Variants in STARD13 observed in about 807,000 individuals in gnomAD.
STARD13 encodes stAR-related lipid transfer protein 13.
In STARD13, 62 loss-of-function variants were observed where a neutral mutation model predicts 106.4. The ratio of observed to expected loss-of-function variants is 0.58; its 90% CI spans 0.48 to 0.72. STARD13 has a LOEUF of 0.72. Ranked by LOEUF, STARD13 falls within the 30% of genes least tolerant of loss-of-function variation. STARD13 has a pLI of 0.00. For synonymous variants in STARD13, 565 were observed against 553.0 expected, an observed-to-expected ratio of 1.02 and a Z score of -0.31; for missense variants, 1,387 against 1,424.0, an observed-to-expected ratio of 0.97 and a Z score of 0.42.
intron 4 of STARD13, among the ~76,000 whole-genome samples, chr13:33,132,951 G>A (rs1179061550): frequency 1.3e-5 from 2 of 152,116 alleles, no homozygotes; most frequent in African/African-American, 4.8e-5. Flanking sequence ...TGCCATGATA[G>A]GCTGAACGTT....
chr13:33,598,601 C>T, the STARD13 span, among the ~76,000 whole-genome samples: 12 of 152,222 alleles, frequency 7.9e-5, no homozygotes, highest in African/African-American at 2.9e-4. Context: ...CAGTAACTCT[C>T]CTCTGCCATT....
the STARD13 span, among the ~76,000 whole-genome samples, chr13:33,615,770 G>T: frequency 1.3e-5 from 2 of 152,104 alleles, no homozygotes; most frequent in South Asian, 4.1e-4. Context: ...CAATAGCATC[G>T]CTCTGCACCC....
the STARD13 span, among the ~76,000 whole-genome samples, chr13:33,492,508 G>A: frequency 6.6e-6 from 1 of 152,244 alleles, no homozygotes; most frequent in East Asian, 1.9e-4. Context: ...AGACTTTGCT[G>A]ATAAAACAGG....
At chr13:33,551,568 CCTTTTT>C in the STARD13 span, among the ~76,000 whole-genome samples, 29 of 44,792 alleles carry the variant, frequency 6.5e-4, 8 homozygotes, top group South Asian at 1.9e-3. Flanking sequence ...TTTGCTTTTC[CCTTTTT>C]TTTTTTTTTT....
chr13:33,491,786 C>A, the STARD13 span, among the ~76,000 whole-genome samples: 1 of 152,146 alleles, frequency 6.6e-6, no homozygotes, highest in Non-Finnish European at 1.5e-5. Flanking sequence ...GGTTTGAAAC[C>A]TGTTGTCCCA....
In STARD13 at chr13:33,127,368, C is replaced by T. The variant is rs201146087; in HGVS notation, c.1922+5G>A. The stretch of plus-strand genomic sequence containing the variant: ...GATCCCCTCCTAGGTGAATGTGCTA[C>T]GCACCATGTCCAGCCGTGCTTGTTG... On this transcript the variant is annotated splice_donor_5th_base_variant and intron_variant, in intron 6 of 13. Coordinates refer to ENST00000336934, the MANE Select transcript of STARD13 (RefSeq NM_178006.4). 40 of 1,586,098 alleles carry T rather than the reference C, an allele frequency of 2.5e-5. No homozygotes were observed. The highest frequency in any genetic ancestry group is 4.5e-5 in the South Asian group (4 of 88,662).
intron 1 of STARD13, among the ~76,000 whole-genome samples, chr13:33,303,059 C>T (rs1157445928): frequency 6.6e-6 from 1 of 152,086 alleles, no homozygotes; most frequent in Non-Finnish European, 1.5e-5. Flanking sequence ...GTGAGGCTCT[C>T]TTCTCACTCC....
At chr13:33,201,595 A>G (rs7323212) in intron 1 of STARD13, among the ~76,000 whole-genome samples, 57 of 152,364 alleles carry the variant, frequency 3.7e-4, no homozygotes, top group African/African-American at 1.3e-3. Context: ...AAGTTAAACC[A>G]GTTTGAATCT....
chr13:33,544,135 A>G, the STARD13 span, among the ~76,000 whole-genome samples: 5 of 152,198 alleles, frequency 3.3e-5, no homozygotes, highest in Non-Finnish European at 4.4e-5. Context: ...AATGACTAAA[A>G]TTAAGGACAA....
At chr13:33,256,376 C>T (rs1338203714) in intron 1 of STARD13, among the ~76,000 whole-genome samples, 1 of 152,170 alleles carries the variant, frequency 6.6e-6, no homozygotes, top group Non-Finnish European at 1.5e-5. Flanking sequence ...ATTGTGTCCG[C>T]CTCACTTCCT....
At chr13:33,604,637 A>C in the STARD13 span, among the ~76,000 whole-genome samples, 15 of 152,094 alleles carry the variant, frequency 9.9e-5, no homozygotes, top group African/African-American at 3.6e-4. Flanking sequence ...TCTTTACTAA[A>C]AAAATACAAA....
At chr13:33,665,858 T>C in the STARD13 span, among the ~76,000 whole-genome samples, 1 of 152,154 alleles carries the variant, frequency 6.6e-6, no homozygotes, top group Non-Finnish European at 1.5e-5. Context: ...CTCGGTGCCA[T>C]AACTTTTGAT....
the STARD13 span, among the ~76,000 whole-genome samples, chr13:33,618,346 T>G: frequency 6.6e-6 from 1 of 152,226 alleles, no homozygotes; most frequent in Non-Finnish European, 1.5e-5. Flanking sequence ...CATGTCCTCA[T>G]GGAACTTGCA....
At chr13:33,150,688 A>G (rs1338292245) in intron 3 of STARD13, among the ~76,000 whole-genome samples, 2 of 152,230 alleles carry the variant, frequency 1.3e-5, no homozygotes, top group Non-Finnish European at 2.9e-5. Context: ...AGCAAACTGA[A>G]TTCATGTGTT....
At chr13:33,214,699 T>C (rs930412254) in intron 1 of STARD13, among the ~76,000 whole-genome samples, 90 of 144,118 alleles carry the variant, frequency 6.2e-4, no homozygotes, top group African/African-American at 1.9e-3. Context: ...CATGCACACA[T>C]ACACACACAC....
the STARD13 span, among the ~76,000 whole-genome samples, chr13:33,636,104 T>TGCA: frequency 7.2e-6 from 1 of 139,434 alleles, no homozygotes; most frequent in Admixed American, 7.8e-5. Context: ...ATCATACCAT[T>TGCA]GCACTAGCCT....
intron 1 of STARD13, among the ~76,000 whole-genome samples, chr13:33,179,766 C>T (rs983899984): frequency 8.5e-5 from 13 of 152,200 alleles, no homozygotes; most frequent in African/African-American, 2.9e-4. Context: ...ACACTATCCT[C>T]CGGGTCTCAG....
At chr13:33,401,629 A>C in the STARD13 span, among the ~76,000 whole-genome samples, 1 of 152,184 alleles carries the variant, frequency 6.6e-6, no homozygotes, top group Non-Finnish European at 1.5e-5. Flanking sequence ...CTCACTAGGA[A>C]TCAGATTTGC....
At chr13:33,127,877 GTGT>G (rs1877460996) in intron 5 of STARD13, among the ~76,000 whole-genome samples, 3 of 88,606 alleles carry the variant, frequency 3.4e-5, no homozygotes, top group Non-Finnish European at 8.6e-5. Flanking sequence ...GTGTGTGTGT[GTGT>G]ATGTGAGAGA....
Sources: gnomAD v4.1 joint callset for allele counts (sites outside exome capture counted in the v4.1 genomes callset) on GRCh38, gnomAD v4.1.1 for gene constraint, MANE v1.5 for transcripts, NCBI Gene and HGNC (gene_info 2026-07-23, HGNC 2026-07-21) for gene names.